Variants in CALCRL observed in about 807,000 individuals in gnomAD.
The protein encoded by CALCRL is calcitonin receptor like receptor.
In CALCRL, 27 loss-of-function variants were observed where a neutral mutation model predicts 60.4. That is an observed-to-expected ratio of 0.45 (90% CI 0.33 to 0.62). CALCRL has a LOEUF of 0.62. Among genes scored for constraint, CALCRL ranks in the 20% least tolerant of loss-of-function variants. The pLI is 0.03. For synonymous variants in CALCRL, 190 were observed against 182.6 expected (o/e 1.04, Z -0.33); for missense variants, 424 against 540.7 (o/e 0.78, Z 2.14).
intron 1 of CALCRL, among the ~76,000 whole-genome samples, chr2:187,414,060 T>C (rs1473543271): frequency 6.6e-6 from 1 of 152,166 alleles, no homozygotes; most frequent in Non-Finnish European, 1.5e-5. Flanking sequence ...GAACATTTTC[T>C]GGCACACAAC....
At chr2:187,390,311 T>C (rs1001178147) in intron 1 of CALCRL, among the ~76,000 whole-genome samples, 7 of 152,302 alleles carry the variant, frequency 4.6e-5, no homozygotes, top group African/African-American at 1.7e-4. Flanking sequence ...AAAGTATATA[T>C]ATTTAAATAT....
At chr2:187,410,553 G>C (rs1471119601) in intron 1 of CALCRL, among the ~76,000 whole-genome samples, 3 of 152,134 alleles carry the variant, frequency 2.0e-5, no homozygotes, top group African/African-American at 7.2e-5. Flanking sequence ...TGGGTGTTAG[G>C]GTTTTGTAGA....
chr2:187,433,594 A>G (rs1426937277), intron 1 of CALCRL, among the ~76,000 whole-genome samples: 1 of 152,060 alleles, frequency 6.6e-6, no homozygotes, highest in Non-Finnish European at 1.5e-5. Flanking sequence ...CAAAAGAAAG[A>G]GCTAATTTTG....
At chr2:187,442,143 CACAT>C (rs1368650849) in intron 1 of CALCRL, 3 of 147,706 alleles carry the variant, frequency 2.0e-5, no homozygotes, top group African/African-American at 4.9e-5. Context: ...CATACACACA[CACAT>C]ACATACACAC....
At chr2:187,358,593 C>T (rs1465354275) in intron 12 of CALCRL, among the ~76,000 whole-genome samples, 14 of 151,436 alleles carry the variant, frequency 9.2e-5, no homozygotes, top group Admixed American at 9.2e-4. Flanking sequence ...ACAGCTTCAC[C>T]CAGACTTCCT....
In CALCRL at chr2:187,342,265, T is replaced by C. The variant is rs935432826; in HGVS notation, c.*3919A>G. Among the ~76,000 whole-genome samples the C allele has an allele frequency of 6.6e-6, 1 of 151,786 alleles. No individual in the cohort carries two copies. The highest frequency in any genetic ancestry group is 2.1e-4 in the South Asian group (1 of 4,830). Reference sequence around the variant, plus strand: ...TAGAGATAGAGGGATAGAGAAGTGATGGCTAAAGGATACACTGTTTCTTCT... The same window carrying C: ...TAGAGATAGAGGGATAGAGAAGTGACGGCTAAAGGATACACTGTTTCTTCT... On this transcript the variant is annotated 3_prime_UTR_variant, in exon 15 of 15. Transcript: ENST00000392370.
At chr2:187,387,305 T>C (rs1275428258) in intron 3 of CALCRL, 24 bp downstream of exon 3, 2 of 154,076 alleles carry the variant, frequency 1.3e-5, no homozygotes, top group African/African-American at 4.8e-5. Context: ...TTTGTGCCAT[T>C]GCTAGCCCTC....
At chr2:187,380,398 C>A in intron 7 of CALCRL, 69 bp downstream of exon 7, 1 of 804,636 alleles carries the variant, frequency 1.2e-6, no homozygotes, top group South Asian at 1.6e-5. Flanking sequence ...TTCTTTAATA[C>A]AGTATTGGAC....
intron 1 of CALCRL, chr2:187,442,183 T>C (rs1180494973): frequency 1.3e-5 from 2 of 149,080 alleles, no homozygotes; most frequent in Non-Finnish European, 3.0e-5. Context: ...CATATATGTG[T>C]GTATATATGT....
chr2:187,385,640 G>A lies in CALCRL; in HGVS notation c.-36-9C>T. ...ATGCTGTATAACATAAACTGCAACA[G>A]AAAATAAAAGAAATATAATTCATCA... On this transcript the variant is annotated splice_polypyrimidine_tract_variant and intron_variant, in intron 3 of 14. Coordinates refer to ENST00000392370, the MANE Select transcript of CALCRL (RefSeq NM_005795.6). The A allele has an allele frequency of 1.6e-6, 2 of 1,271,104 alleles. No individual in the cohort carries two copies. Among genetic ancestry groups the A allele is most frequent in the East Asian group, 2.4e-5 (1 of 40,868 alleles). 78.7% of individuals were successfully genotyped at this position (1,271,104 alleles called of 1,614,324 possible). A position where few individuals can be genotyped will look rare whatever the true frequency, so the allele number is the denominator to read the frequency against.
intron 1 of CALCRL, among the ~76,000 whole-genome samples, chr2:187,447,677 C>A (rs754338744): frequency 6.6e-6 from 1 of 151,806 alleles, no homozygotes; most frequent in African/African-American, 2.4e-5. Context: ...AAGACCCTTC[C>A]GGGGGGAGAA....
At position 187,438,973 on chromosome 2, in the gene CALCRL, A is replaced by G. The variant is rs191535699; in HGVS notation, c.-293+9066T>C. 1.6e-4 allele frequency among the ~76,000 whole-genome samples: 24 copies of G among 152,344 alleles called. 1 individual carries two copies. The East Asian group carries it at 4.6e-3, about 29-fold the overall frequency. On this transcript the variant is annotated intron_variant, in intron 1 of 14. Transcript: ENST00000392370. ...TACTCTGGCATCTCTTGAATAATAT[A>G]TAAACTCACATGAAGCCAATATCCA... is the stretch of plus-strand genomic sequence containing the variant.
chr2:187,371,070 G>A (rs1687497053), intron 8 of CALCRL, among the ~76,000 whole-genome samples: 2 of 151,994 alleles, frequency 1.3e-5, no homozygotes, highest in South Asian at 2.1e-4. Flanking sequence ...GTGAAACCCC[G>A]TCTCTACTAA....
At chr2:187,402,379 A>T (rs561589319) in intron 1 of CALCRL, among the ~76,000 whole-genome samples, 1 of 151,478 alleles carries the variant, frequency 6.6e-6, no homozygotes, top group Admixed American at 6.6e-5. Flanking sequence ...CTAATTGATC[A>T]GCTGGAATGA....
intron 1 of CALCRL, among the ~76,000 whole-genome samples, chr2:187,401,300 T>C (rs1688879196): frequency 6.6e-6 from 1 of 151,684 alleles, no homozygotes; most frequent in South Asian, 2.1e-4. Flanking sequence ...GATATTCACA[T>C]TGTAAAACAA....
rs796644471 is a variant in CALCRL at position 187,396,021 on chromosome 2, T to TTTTGTTG, written c.-292-8266_-292-8265insCAACAAA. On this transcript the variant is annotated intron_variant, in intron 1 of 14. Coordinates refer to ENST00000392370, the MANE Select transcript of CALCRL (RefSeq NM_005795.6). ...TAAAACCAAATCTCTCCTGACACTGTTTGTTGTTGTTGTTGTTGTTGTTGT... is the reference window on the plus strand; with the variant it reads ...TAAAACCAAATCTCTCCTGACACTGTTTTGTTGTTGTTGTTGTTGTTGTTGTTGTTGT... Among the ~76,000 whole-genome samples the TTTTGTTG allele has an allele frequency of 8.5e-4, 54 of 63,848 alleles. 1 individual carries two copies. The Middle Eastern group carries it at 0.086, about 102-fold the overall frequency. 41.9% of individuals were successfully genotyped at this position (63,848 alleles called of 152,430 possible). A position where few individuals can be genotyped will look rare whatever the true frequency, so the allele number is the denominator to read the frequency against.
chr2:187,391,265 A>C (rs919921527), intron 1 of CALCRL, among the ~76,000 whole-genome samples: 21 of 152,194 alleles, frequency 1.4e-4, no homozygotes, highest in African/African-American at 5.1e-4. Context: ...ATATATCTTC[A>C]CTAAAATACA....
intron 12 of CALCRL, among the ~76,000 whole-genome samples, chr2:187,354,158 C>T (rs1234785961): frequency 1.6e-4 from 24 of 151,946 alleles, no homozygotes; most frequent in Admixed American, 1.6e-3. Flanking sequence ...TTGAGCAAAA[C>T]TAGTTCAGTA....
In CALCRL at chr2:187,379,023, T is replaced by C; in HGVS notation, c.417A>G (p.Leu139=). 1.3e-6 allele frequency: 2 copies of C among 1,597,364 alleles called. No individual in the cohort carries two copies. The highest frequency in any genetic ancestry group is 1.1e-5 in the South Asian group (1 of 89,540). The change falls in exon 8 of 15, where the codon CTA becomes CTG. Residue 139 remains leucine (L), a synonymous_variant. Coordinates refer to ENST00000392370, the MANE Select transcript of CALCRL (RefSeq NM_005795.6). ...CAATTATGGTCAGGTAAAACAAATTTAGTGCAGTCTGTAATTTGTATAAAC... is the reference window on the plus strand; with the variant it reads ...CAATTATGGTCAGGTAAAACAAATTCAGTGCAGTCTGTAATTTGTATAAAC... ...VNTHEKVKTA[L]NLFYLTIIGH...
Sources: allele counts gnomAD v4.1 joint callset (sites outside exome capture counted in the v4.1 genomes callset), GRCh38; gene constraint gnomAD v4.1.1; transcripts MANE v1.5; gene names NCBI Gene and HGNC (gene_info 2026-07-23, HGNC 2026-07-21).